Variants in NDRG2 observed in about 807,000 individuals in gnomAD.
The protein encoded by NDRG2 is NDRG family member 2.
A neutral mutation model predicts 58.2 loss-of-function variants in NDRG2; 34 were observed. That is an observed-to-expected ratio of 0.58 (90% confidence interval 0.44 to 0.78). The LOEUF (loss-of-function observed/expected upper bound fraction) is 0.78. Among genes scored for constraint, NDRG2 ranks in the 30% least tolerant of loss-of-function variants. The probability of loss-of-function intolerance (pLI) is 0.00; values close to 1 mark genes in which losing one functional copy is unlikely to be tolerated. For missense variants in NDRG2, 434 were observed against 471.2 expected, an observed-to-expected ratio of 0.92 and a Z score of 0.73; for synonymous variants, 187 against 175.9, an observed-to-expected ratio of 1.06 and a Z score of -0.50.
Position 21,052,755 on chromosome 14 carries a change from T to G in NDRG2, c.24+18073A>C, listed in dbSNP as rs556168842. ...AAACAGATGATCTTTAGAGAAATGA[T>G]GCAGGAAAAGGAATATTTTAACAAG... On this transcript the variant is annotated intron_variant, in intron 1 of 14. Transcript: ENST00000403829. Among the ~76,000 whole-genome samples the G allele has an allele frequency of 4.6e-5, 7 of 152,280 alleles. No individual in the cohort carries two copies. The South Asian group carries it at 6.2e-4, about 14-fold the overall frequency.
At chr14:21,021,689 G>T in intron 6 of NDRG2, 128 bp downstream of exon 6, 1 of 1,024,408 alleles carries the variant, frequency 9.8e-7, no homozygotes, top group Non-Finnish European at 1.4e-6. Context: ...GCGGGAGCAT[G>T]AAGGAAGAAG....
chr14:21,025,575 C>A, upstream of NDRG2: 5 of 985,342 alleles, frequency 5.1e-6, no homozygotes, highest in African/African-American at 1.7e-5. The surrounding 1 kb of genome is among the most constrained non-coding windows in gnomAD (Gnocchi z 5.1). Context: ...AGGCGGGGGT[C>A]TCGCCGGCTG....
At chr14:21,050,768 T>C (rs1218065230) in intron 1 of NDRG2, among the ~76,000 whole-genome samples, 2 of 152,212 alleles carry the variant, frequency 1.3e-5, no homozygotes, top group African/African-American at 4.8e-5. Context: ...GTACTGTGGT[T>C]ATGCACACGA....
rs1880600652 is a variant in NDRG2 at position 21,021,894 on chromosome 14, C to T, written c.345-15G>A. The T allele has an allele frequency of 6.2e-7, 1 of 1,612,366 alleles. No individual in the cohort carries two copies. Among genetic ancestry groups the T allele is most frequent in the African/African-American group, 1.3e-5 (1 of 74,828 alleles). On this transcript the variant is annotated splice_polypyrimidine_tract_variant and intron_variant, in intron 5 of 15. Transcript: ENST00000556147. ...GGTACTGATATCTGGAAAAGAGAGG[C>T]ATGTTAAGGAAGATACCAACCTGCC...
At chr14:21,025,117 G>T, upstream of NDRG2, 1 of 971,160 alleles carries the variant, frequency 1.0e-6, no homozygotes, top group Non-Finnish European at 1.2e-6. The surrounding 1 kb of genome is among the most constrained non-coding windows in gnomAD (Gnocchi z 5.1). Context: ...CCCCCGGCCC[G>T]CCCCAGCCCG....
At chr14:21,027,901 G>C (rs986135703), upstream of NDRG2, among the ~76,000 whole-genome samples, 13 of 152,240 alleles carry the variant, frequency 8.5e-5, no homozygotes, top group African/African-American at 3.1e-4. Flanking sequence ...TCCAGGCACA[G>C]AGAGAGCATG....
intron 1 of NDRG2, among the ~76,000 whole-genome samples, chr14:21,045,589 C>G (rs1885106630): frequency 6.6e-6 from 1 of 152,188 alleles, no homozygotes; most frequent in Non-Finnish European, 1.5e-5. Context: ...TCTTTTTTCA[C>G]AACTCTATCT....
chr14:21,025,140 A>T (rs1883230450), upstream of NDRG2: 2 of 971,792 alleles, frequency 2.1e-6, no homozygotes, highest in Admixed American at 6.2e-5. This position sits in a 1 kb window ranked among gnomAD's most constrained non-coding sequence, Gnocchi z 5.1. Flanking sequence ...CACGGGCGCT[A>T]GGCTCCCCGC....
In NDRG2 at chr14:21,024,590, C is replaced by T. The variant is rs1882737922; in HGVS notation, c.-567G>A. On this transcript the variant is annotated 5_prime_UTR_variant, in exon 1 of 16. Coordinates refer to ENST00000556147, the MANE Select transcript of NDRG2 (RefSeq NM_001320329.2). ...AAAGATTGGTGCCGTCGCTTCTCTC[C>T]TCTACTCAGTCTCCGTGTAGGTCCC... 2 of 985,382 alleles carry T rather than the reference C, an allele frequency of 2.0e-6. No homozygotes were observed. The allele number at this position is 985,382 out of a possible 1,614,324, so 61.0% of individuals were successfully genotyped here.
chr14:21,028,241 T>TTTTTGTTTTGTTTTGTTTTG (rs71112541), upstream of NDRG2, among the ~76,000 whole-genome samples: 1 of 150,340 alleles, frequency 6.7e-6, no homozygotes, highest in Non-Finnish European at 1.5e-5. Flanking sequence ...CTTGGGGTTC[T>TTTTTGTTTTGTTTTGTTTTG]TTTTGTTTTG....
chr14:21,033,168 G>A (rs45511794), intron 1 of NDRG2: 6,132 of 370,450 alleles, frequency 0.017, 79 homozygotes, highest in Non-Finnish European at 0.021. Flanking sequence ...GGGTGACTAC[G>A]GTTGTTGGGA....
chr14:21,057,670 G>A (rs190647159), intron 1 of NDRG2, among the ~76,000 whole-genome samples: 20 of 140,144 alleles, frequency 1.4e-4, no homozygotes, highest in African/African-American at 5.5e-4. Flanking sequence ...AAACTATTGT[G>A]AGAGGTAAAG....
chr14:21,033,458 G>T, intron 1 of NDRG2: 1 of 313,968 alleles, frequency 3.2e-6, no homozygotes, highest in Non-Finnish European at 6.0e-6. Context: ...GGTGCCTGTT[G>T]CCATGGTGTG....
chr14:21,028,182 G>A (rs1297312984), upstream of NDRG2, among the ~76,000 whole-genome samples: 6 of 152,052 alleles, frequency 3.9e-5, no homozygotes, highest in Non-Finnish European at 8.8e-5. Flanking sequence ...TAGCAATTAG[G>A]CCATATGACC....
chr14:21,064,187 T>C (rs1360378583), intron 1 of NDRG2, among the ~76,000 whole-genome samples: 3 of 152,230 alleles, frequency 2.0e-5, no homozygotes, highest in Non-Finnish European at 4.4e-5. Context: ...GAGGAGTACA[T>C]TTCTACAAAT....
At chr14:21,042,963 C>T in intron 1 of NDRG2, 1 of 1,590,730 alleles carries the variant, frequency 6.3e-7, no homozygotes, top group Non-Finnish European at 8.6e-7. Context: ...CGACCCCTGC[C>T]CTCCATCCTG....
At chr14:21,024,009 C>T (rs1882327638) in intron 1 of NDRG2, 21 bp downstream of exon 1, 2 of 985,648 alleles carry the variant, frequency 2.0e-6, no homozygotes, top group South Asian at 4.7e-5. Flanking sequence ...AGCCTGCAGC[C>T]TGCGGGGTGG....
Position 21,022,166 on chromosome 14 carries a change from C to T in NDRG2, c.240G>A (p.Gln80=). The change falls in exon 5 of 16, where the codon CAG becomes CAA. Residue 80 remains glutamine (Q), a synonymous_variant. Transcript: ENST00000556147. ...DVGLNYKSCF[Q]PLFQFEDMQE... ...GCATGTCCTCGAACTGAAACAGTGG[C>T]TGGAAGCAAGATTTATCTAAAGAGA... The T allele has an allele frequency of 6.2e-7, 1 of 1,614,166 alleles. No homozygotes were observed. Among genetic ancestry groups the T allele is most frequent in the Non-Finnish European group, 8.5e-7 (1 of 1,180,028 alleles).
intron 7 of NDRG2, 97 bp downstream of exon 7, chr14:21,020,687 C>G: frequency 1.3e-6 from 2 of 1,578,074 alleles, no homozygotes; most frequent in Non-Finnish European, 1.7e-6. Flanking sequence ...GACTCCCCAC[C>G]TAGTGCCCAC....
Sources: gnomAD v4.1 joint callset for allele counts (sites outside exome capture counted in the v4.1 genomes callset) on GRCh38, gnomAD v4.1.1 for gene constraint, Gnocchi (gnomAD v3.1) non-coding constraint, MANE v1.5 for transcripts, NCBI Gene and HGNC (gene_info 2026-07-23, HGNC 2026-07-21) for gene names.